LDB2: variants seen among roughly 807,000 people sequenced by gnomAD.
LDB2 encodes LIM domain-binding protein 2.
In LDB2, 12 loss-of-function variants were observed where a neutral mutation model predicts 44.3. The observed-to-expected ratio is 0.27, with a 90% CI of 0.17 to 0.44. The LOEUF is 0.44. LDB2 is among the 20% of genes least tolerant of loss of function. The pLI is 1.00. For missense variants in LDB2, 344 were observed against 473.5 expected (o/e 0.73, Z 2.54); for synonymous variants, 164 against 174.8 (o/e 0.94, Z 0.49).
chr4:16,874,781 T>C (rs1184490256), intron 1 of LDB2, among the ~76,000 whole-genome samples: 3 of 152,118 alleles, frequency 2.0e-5, no homozygotes, highest in Non-Finnish European at 2.9e-5. Flanking sequence ...CAACCATGAG[T>C]TGAAGAACAA....
intron 2 of LDB2, among the ~76,000 whole-genome samples, chr4:16,650,876 T>C (rs1293451332): frequency 2.0e-5 from 3 of 152,230 alleles, no homozygotes; most frequent in Non-Finnish European, 4.4e-5. Context: ...ATCACTTCTC[T>C]CTCAAGTCAA....
At chr4:16,673,872 G>A (rs536127529) in intron 2 of LDB2, among the ~76,000 whole-genome samples, 35 of 152,230 alleles carry the variant, frequency 2.3e-4, no homozygotes, top group Non-Finnish European at 4.7e-4. Flanking sequence ...AAAAGGTGGG[G>A]ATATAAATAT....
intron 2 of LDB2, among the ~76,000 whole-genome samples, chr4:16,653,159 G>C (rs1031411198): frequency 6.6e-6 from 1 of 152,088 alleles, no homozygotes; most frequent in East Asian, 1.9e-4. Flanking sequence ...TAGAGCCACC[G>C]GGTCTTCCAG....
At chr4:16,640,524 A>T (rs1476336919) in intron 2 of LDB2, among the ~76,000 whole-genome samples, 1 of 152,202 alleles carries the variant, frequency 6.6e-6, no homozygotes, top group Non-Finnish European at 1.5e-5. Context: ...TCTCAGATCC[A>T]TGGGGTGAAG....
At chr4:16,837,692 C>T (rs1416239969) in intron 1 of LDB2, among the ~76,000 whole-genome samples, 3 of 152,214 alleles carry the variant, frequency 2.0e-5, no homozygotes, top group Admixed American at 6.5e-5. Flanking sequence ...ACCCAGCCCA[C>T]GTTGCCAAGT....
intron 5 of LDB2, among the ~76,000 whole-genome samples, chr4:16,565,966 A>G (rs1197206858): frequency 6.6e-6 from 1 of 152,030 alleles, no homozygotes; most frequent in East Asian, 1.9e-4. Context: ...ACATGTATCT[A>G]TACATACACA....
chr4:16,874,075 T>C (rs914608999), intron 1 of LDB2, among the ~76,000 whole-genome samples: 1 of 152,282 alleles, frequency 6.6e-6, no homozygotes, highest in East Asian at 1.9e-4. Flanking sequence ...GGGTTACTTC[T>C]GCTTTTTGAC....
At position 16,555,003 on chromosome 4, in the gene LDB2, C is replaced by T. The variant is rs182963184; in HGVS notation, c.615+30919G>A. Among the ~76,000 whole-genome samples the T allele has an allele frequency of 4.6e-5, 7 of 152,100 alleles. No individual in the cohort carries two copies. In the East Asian group the frequency reaches 1.2e-3, roughly 25 times the overall value. ...TGGGGGATGCTGATAGGGAGAGAGGCCATGCATGTGATGCAGCCAGTGCTA... is the reference window on the plus strand; with the variant it reads ...TGGGGGATGCTGATAGGGAGAGAGGTCATGCATGTGATGCAGCCAGTGCTA... On this transcript the variant is annotated intron_variant, in intron 5 of 7. Coordinates refer to ENST00000304523, the MANE Select transcript of LDB2 (RefSeq NM_001290.5).
At position 16,595,703 on chromosome 4, in the gene LDB2, C is replaced by T; in HGVS notation, c.408G>A (p.Lys136=). Residue 136 remains lysine (K), a splice_region_variant and synonymous_variant, in exon 3 of 8, where the codon AAG becomes AAA. Coordinates refer to ENST00000304523, the MANE Select transcript of LDB2 (RefSeq NM_001290.5). ...GCATGTGACAGAGCCTGTCCTGTAC[C>T]TTGGTAAACATGGGCTTCCCGTGCT... ...VTQHGKPMFT[K]VCTEGRLILE... is the part of the protein sequence containing the mutation. 1 of 1,612,868 alleles carries T rather than the reference C, an allele frequency of 6.2e-7. No individual in the cohort carries two copies. The highest frequency in any genetic ancestry group is 8.5e-7 in the Non-Finnish European group (1 of 1,179,506).
chr4:16,783,986 G>C (rs993264047), intron 1 of LDB2, among the ~76,000 whole-genome samples: 1 of 152,162 alleles, frequency 6.6e-6, no homozygotes, highest in Non-Finnish European at 1.5e-5. Flanking sequence ...CTTCATTTAA[G>C]ATGACTGGAC....
intron 1 of LDB2, among the ~76,000 whole-genome samples, chr4:16,797,523 C>T (rs1776964564): frequency 6.6e-6 from 1 of 152,052 alleles, no homozygotes; most frequent in Admixed American, 6.6e-5. Flanking sequence ...TCTGACTTCT[C>T]AAATGCTTTA....
intron 2 of LDB2, among the ~76,000 whole-genome samples, chr4:16,675,985 G>T (rs1222574964): frequency 6.6e-6 from 1 of 152,142 alleles, no homozygotes; most frequent in Non-Finnish European, 1.5e-5. Flanking sequence ...TGGCATATTG[G>T]TAGGTGCCCT....
intron 3 of LDB2, among the ~76,000 whole-genome samples, chr4:16,590,304 C>G (rs75626340): frequency 2.0e-5 from 3 of 152,144 alleles, no homozygotes; most frequent in Admixed American, 2.0e-4. Flanking sequence ...ACATACAACA[C>G]TCCAGACACT....
Position 16,722,514 on chromosome 4 carries a change from A to C in LDB2, c.235+36644T>G, listed in dbSNP as rs545239346. 1.4e-4 allele frequency among the ~76,000 whole-genome samples: 21 copies of C among 152,298 alleles called. No homozygotes were observed. In the East Asian group the frequency reaches 4.1e-3, roughly 29 times the overall value. The stretch of plus-strand genomic sequence containing the variant: ...ATATTTTTAAAGGGCTAGCCTCAGA[A>C]GGAAATTCCATTTGAATACATTCAT... On this transcript the variant is annotated intron_variant, in intron 2 of 7. Coordinates refer to ENST00000304523, the MANE Select transcript of LDB2 (RefSeq NM_001290.5).
intron 1 of LDB2, among the ~76,000 whole-genome samples, chr4:16,879,228 A>C: frequency 6.6e-6 from 1 of 152,234 alleles, no homozygotes; most frequent in East Asian, 1.9e-4. Context: ...TCCTCAGACA[A>C]ACATTCAAAG....
At chr4:16,637,733 C>G (rs567704674) in intron 2 of LDB2, among the ~76,000 whole-genome samples, 1 of 152,250 alleles carries the variant, frequency 6.6e-6, no homozygotes, top group East Asian at 1.9e-4. Flanking sequence ...GGGACAACAG[C>G]AGGAGAATAA....
chr4:16,882,911 C>A (rs972444719), intron 1 of LDB2, among the ~76,000 whole-genome samples: 1 of 152,158 alleles, frequency 6.6e-6, no homozygotes, highest in African/African-American at 2.4e-5. Context: ...AGTCTTAGTT[C>A]AGATGAATTT....
intron 2 of LDB2, among the ~76,000 whole-genome samples, chr4:16,683,090 T>C (rs965655791): frequency 1.3e-5 from 2 of 152,198 alleles, no homozygotes; most frequent in African/African-American, 4.8e-5. Context: ...ATCTCAGAGA[T>C]AAATGAGAGG....
At chr4:16,641,471 G>T (rs570768345) in intron 2 of LDB2, among the ~76,000 whole-genome samples, 1 of 152,264 alleles carries the variant, frequency 6.6e-6, no homozygotes, top group African/African-American at 2.4e-5. Flanking sequence ...CATGGCATGG[G>T]TATCTTCTCT....
Sources: gnomAD v4.1 joint callset for allele counts (sites outside exome capture counted in the v4.1 genomes callset) on GRCh38, gnomAD v4.1.1 for gene constraint, MANE v1.5 for transcripts, NCBI Gene and HGNC (gene_info 2026-07-23, HGNC 2026-07-21) for gene names.